Variants in ZBTB11 observed in about 807,000 individuals in gnomAD.
ZBTB11 encodes the protein zinc finger and BTB domain containing 11.
Under a neutral mutation model 113.1 loss-of-function variants are expected in ZBTB11, and 68 were observed. That is an observed-to-expected ratio of 0.60 (90% confidence interval 0.49 to 0.74). ZBTB11 has a LOEUF of 0.74. ZBTB11 is among the 30% of genes least tolerant of loss of function. ZBTB11 has a pLI of 0.00. For synonymous variants in ZBTB11, 518 were observed against 452.6 expected (o/e 1.14, Z -1.83); for missense variants, 1,104 against 1,279.4 (o/e 0.86, Z 2.09).
chr3:101,676,919 G>A lies in ZBTB11; in HGVS notation c.-5C>T, dbSNP rs772317895. The A allele has an allele frequency of 5.1e-5, 79 of 1,559,160 alleles. No homozygotes were observed. Among genetic ancestry groups the A allele is most frequent in the Non-Finnish European group, 6.4e-5 (74 of 1,148,466 alleles). ...GTAGCTTTCCTCGCTTGACATCGCG[G>A]ACCGCGGCTCCCTGAGGGCGCCTGT... On this transcript the variant is annotated 5_prime_UTR_variant, in exon 1 of 11. Coordinates refer to ENST00000312938, the MANE Select transcript of ZBTB11 (RefSeq NM_014415.4).
At chr3:101,655,199 T>C (rs1936775055) in intron 7 of ZBTB11, among the ~76,000 whole-genome samples, 1 of 152,206 alleles carries the variant, frequency 6.6e-6, no homozygotes, top group African/African-American at 2.4e-5. Context: ...ATTCTTCATG[T>C]CATATTTCAG....
At chr3:101,675,036 T>C (rs148026834) in intron 1 of ZBTB11, among the ~76,000 whole-genome samples, 48 of 152,344 alleles carry the variant, frequency 3.2e-4, no homozygotes, top group African/African-American at 1.1e-3. Flanking sequence ...TCGTTGTCAC[T>C]GCACCAAGCA....
chr3:101,669,308 G>GA (rs1302474019), intron 3 of ZBTB11, among the ~76,000 whole-genome samples: 1 of 152,232 alleles, frequency 6.6e-6, no homozygotes, highest in Non-Finnish European at 1.5e-5. Context: ...TTACTGGCGT[G>GA]AGCCACTGTG....
rs760417038 is a variant in ZBTB11, at chr3:101,671,958, G to T, written c.546+20C>A. Reference sequence around the variant, plus strand: ...TACACTAGTTACAAATCTTAAAGCTGACTGGAGAGTACCACTTACAAACAC... The same window carrying T: ...TACACTAGTTACAAATCTTAAAGCTTACTGGAGAGTACCACTTACAAACAC... On this transcript the variant is annotated intron_variant, in intron 2 of 10. Transcript: ENST00000312938. 4 of 1,584,552 alleles carry T rather than the reference G, an allele frequency of 2.5e-6. No homozygotes were observed. Among genetic ancestry groups the T allele is most frequent in the Non-Finnish European group, 3.5e-6 (4 of 1,153,058 alleles).
chr3:101,658,807 A>G (rs1443138223), intron 6 of ZBTB11, among the ~76,000 whole-genome samples: 1 of 152,198 alleles, frequency 6.6e-6, no homozygotes, highest in Non-Finnish European at 1.5e-5. Flanking sequence ...TATACTGCTT[A>G]AGTAATGGGT....
At chr3:101,664,439 A>G (rs112089648) in intron 5 of ZBTB11, 99 bp downstream of exon 5, 132 of 1,223,972 alleles carry the variant, frequency 1.1e-4, no homozygotes, top group African/African-American at 3.6e-4. Flanking sequence ...TTATAGCCAT[A>G]TAAGACATAG....
chr3:101,672,102 A>G lies in ZBTB11; in HGVS notation c.422T>C (p.Leu141Pro). The G allele has an allele frequency of 6.2e-7, 1 of 1,614,188 alleles. No individual in the cohort carries two copies. The highest frequency in any genetic ancestry group is 8.5e-7 in the Non-Finnish European group (1 of 1,180,018). Residue 141 changes from leucine (L) to proline (P), a missense_variant, in exon 2 of 11, where the codon CTA (leucine) becomes CCA (proline). Physicochemically the swap from Leu to Pro is moderately conservative, Grantham distance 98 (BLOSUM62 -3). Coordinates refer to ENST00000312938, the MANE Select transcript of ZBTB11 (RefSeq NM_014415.4). ...ACTTTCTTCTCCAGATTCAAGGTCT[A>G]GTCCCAATTCTTCCAACATTTCTGA... ...DVSEMLEELG[L>P]DLESGEESNE... is the part of the protein sequence containing the mutation.
chr3:101,665,113 C>G lies in ZBTB11; in HGVS notation c.1474G>C (p.Ala492Pro), dbSNP rs1388776858. 6.2e-7 allele frequency: 1 copy of G among 1,614,168 alleles called. No homozygotes were observed. The change falls in exon 4 of 11, where the codon GCA becomes CCA. Residue 492 changes from alanine to proline, a missense_variant. By Grantham distance (27) the Ala-to-Pro change is conservative. This residue lies in a region of ZBTB11 where 535 missense variants were observed against 518.6 expected (regional missense o/e 1.03). Transcript: ENST00000312938. ...KDQENLVAST[A>P]KTDFGPDDDT... The stretch of plus-strand genomic sequence containing the variant: ...TCATCAGGGCCAAAGTCTGTCTTTG[C>G]TGTTGATGCAACTAGATTTTCCTGA...
At chr3:101,674,218 A>AGGCACCAGAATCACGTGAGCCTGG (rs1486343159) in intron 1 of ZBTB11, among the ~76,000 whole-genome samples, 1 of 152,064 alleles carries the variant, frequency 6.6e-6, no homozygotes, top group Non-Finnish European at 1.5e-5. Context: ...CCGGAGGCTG[A>AGGCACCAGAATCACGTGAGCCTGG]GGCACCAGAA....
intron 3 of ZBTB11, among the ~76,000 whole-genome samples, chr3:101,669,593 CAT>C (rs946615893): frequency 1.3e-5 from 2 of 151,884 alleles, no homozygotes; most frequent in Non-Finnish European, 2.9e-5. Context: ...CCAAAGCAAA[CAT>C]ATCAAAAGAA....
At chr3:101,657,633 G>A (rs545777389) in intron 6 of ZBTB11, among the ~76,000 whole-genome samples, 1 of 151,972 alleles carries the variant, frequency 6.6e-6, no homozygotes, top group Non-Finnish European at 1.5e-5. Flanking sequence ...GGGTACATGA[G>A]AGTTCAACCC....
intron 6 of ZBTB11, among the ~76,000 whole-genome samples, chr3:101,658,741 T>C (rs759110125): frequency 1.3e-5 from 2 of 152,154 alleles, no homozygotes; most frequent in African/African-American, 2.4e-5. Context: ...TTTGGGGACT[T>C]GTGGGAAAGG....
intron 10 of ZBTB11, among the ~76,000 whole-genome samples, chr3:101,652,174 A>G (rs1311785722): frequency 6.6e-6 from 1 of 152,122 alleles, no homozygotes; most frequent in African/African-American, 2.4e-5. Context: ...AATCTCTCTA[A>G]AGATCTTCCT....
chr3:101,672,768 T>A (rs1937103127), intron 1 of ZBTB11, among the ~76,000 whole-genome samples: 1 of 152,212 alleles, frequency 6.6e-6, no homozygotes, highest in Non-Finnish European at 1.5e-5. Flanking sequence ...CTAATACTTC[T>A]CCACCCCAGT....
Position 101,677,071 on chromosome 3 carries a change from G to C in ZBTB11, c.-157C>G, listed in dbSNP as rs1360721737. On this transcript the variant is annotated 5_prime_UTR_variant, in exon 1 of 11. Transcript: ENST00000312938. ...ACGGCTCCCTTAGTCCGAAGGAAAA[G>C]CGGGCGAGTTGGTAACCAGGGGGAA... is the stretch of plus-strand genomic sequence containing the variant. The C allele has an allele frequency of 2.4e-6, 2 of 824,314 alleles. No homozygotes were observed. Among genetic ancestry groups the C allele is most frequent in the East Asian group, 6.2e-5 (2 of 32,310 alleles). 51.1% of individuals were successfully genotyped at this position (824,314 alleles called of 1,614,324 possible).
intron 3 of ZBTB11, among the ~76,000 whole-genome samples, chr3:101,667,161 CT>C (rs2108324933): frequency 6.6e-6 from 1 of 152,288 alleles, no homozygotes; most frequent in Non-Finnish European, 1.5e-5. Flanking sequence ...TCAAGCAGTC[CT>C]TCTGCTTCAG....
At chr3:101,658,392 A>AT (rs1181943314) in intron 6 of ZBTB11, among the ~76,000 whole-genome samples, 1 of 151,344 alleles carries the variant, frequency 6.6e-6, no homozygotes, top group Non-Finnish European at 1.5e-5. Context: ...TGCCTGGCTA[A>AT]TTTTTTGTAT....
At chr3:101,668,040 T>A (rs1937024054) in intron 3 of ZBTB11, among the ~76,000 whole-genome samples, 1 of 151,802 alleles carries the variant, frequency 6.6e-6, no homozygotes, top group African/African-American at 2.4e-5. Flanking sequence ...AAGAATGAAA[T>A]CCTGTCATTT....
intron 3 of ZBTB11, among the ~76,000 whole-genome samples, chr3:101,669,753 C>G (rs1406197571): frequency 2.0e-5 from 3 of 151,890 alleles, no homozygotes; most frequent in Non-Finnish European, 4.4e-5. Context: ...ATATGTACAC[C>G]CCCTGAGCCT....
Sources: gnomAD v4.1 joint callset for allele counts (sites outside exome capture counted in the v4.1 genomes callset) on GRCh38, gnomAD v4.1.1 for gene constraint, gnomAD v4.1.1 regional missense constraint, MANE v1.5 for transcripts, NCBI Gene and HGNC (gene_info 2026-07-23, HGNC 2026-07-21) for gene names.